Variants in RPN2 observed in about 807,000 individuals in gnomAD.
The protein encoded by RPN2 is dolichyl-diphosphooligosaccharide--protein glycosyltransferase subunit 2.
Under a neutral mutation model 71.4 loss-of-function variants are expected in RPN2, and 29 were observed. The observed-to-expected ratio is 0.41, with a 90% CI of 0.30 to 0.55. The LOEUF (loss-of-function observed/expected upper bound fraction) is 0.55, where lower values mean the gene tolerates loss of function less well. Among genes scored for constraint, RPN2 ranks in the 20% least tolerant of loss-of-function variants. RPN2 has a pLI of 0.35. For synonymous variants in RPN2, 308 were observed against 305.0 expected (o/e 1.01, Z -0.10); for missense variants, 726 against 774.1 (o/e 0.94, Z 0.74).
intron 3 of RPN2, 117 bp from the exon 4 acceptor site, chr20:37,198,933 T>G: frequency 2.4e-6 from 2 of 833,242 alleles, no homozygotes; most frequent in Non-Finnish European, 4.1e-6. Context: ...TAGAGGGGGA[T>G]GAGCATGTGC....
chr20:37,187,669 T>A (rs559982538), intron 2 of RPN2, among the ~76,000 whole-genome samples: 1 of 152,220 alleles, frequency 6.6e-6, no homozygotes, highest in Admixed American at 6.6e-5. Flanking sequence ...AGACAGGGTC[T>A]CACTCTTGTC....
At position 37,236,717 on chromosome 20, in the gene RPN2, C is replaced by T; in HGVS notation, c.1883+8C>T. 3 of 1,613,858 alleles carry T rather than the reference C, an allele frequency of 1.9e-6. 1 individual carries two copies. In the South Asian group the frequency reaches 3.3e-5, roughly 18 times the overall value. ...CCAGCAGGCAGTCAAGAGGTAAGGC[C>T]AGACATGAGCCAGGGATCTAGAGTA... On this transcript the variant is annotated splice_region_variant and intron_variant, in intron 16 of 16. Coordinates refer to ENST00000237530, the MANE Select transcript of RPN2 (RefSeq NM_002951.5).
intron 4 of RPN2, among the ~76,000 whole-genome samples, chr20:37,201,281 C>CTTTTTTTT (rs373838278): frequency 9.5e-6 from 1 of 105,126 alleles, no homozygotes; most frequent in Non-Finnish European, 1.8e-5. Context: ...AGGTCATAAG[C>CTTTTTTTT]TTTTTTTTTT....
intron 10 of RPN2, 51 bp downstream of exon 10, chr20:37,224,020 G>A: frequency 6.7e-7 from 1 of 1,489,246 alleles, no homozygotes; most frequent in East Asian, 2.3e-5. Flanking sequence ...CAAGAGCTGA[G>A]AGGAGTATGC....
intron 15 of RPN2, among the ~76,000 whole-genome samples, chr20:37,235,297 C>G (rs1026249774): frequency 7.2e-5 from 11 of 152,174 alleles, no homozygotes; most frequent in Admixed American, 7.2e-4. Flanking sequence ...AGAAGAAAAC[C>G]TGAATATAAA....
At chr20:37,184,478 A>T (rs1350314900) in intron 2 of RPN2, 105 bp downstream of exon 2, 1 of 1,021,430 alleles carries the variant, frequency 9.8e-7, no homozygotes, top group African/African-American at 1.6e-5. Flanking sequence ...TCATTTGAGG[A>T]TAACCAAGGT....
chr20:37,198,362 T>C, intron 2 of RPN2, 35 bp from the exon 3 acceptor site: 1 of 1,614,178 alleles, frequency 6.2e-7, no homozygotes, highest in Non-Finnish European at 8.5e-7. Flanking sequence ...ACTACATGTG[T>C]CACCACTTAA....
chr20:37,185,823 T>C (rs575314097), intron 2 of RPN2, among the ~76,000 whole-genome samples: 45 of 152,338 alleles, frequency 3.0e-4, no homozygotes, highest in South Asian at 4.1e-4. Context: ...GTCAGAAGTC[T>C]AGACAGGCTT....
intron 13 of RPN2, 59 bp from the exon 14 acceptor site, chr20:37,232,237 A>G (rs560738103): frequency 3.8e-5 from 61 of 1,596,910 alleles, no homozygotes; most frequent in Non-Finnish European, 5.0e-5. Flanking sequence ...CCCGGTATAC[A>G]TGGCTGCCCC....
At position 37,227,149 on chromosome 20, in the gene RPN2, C is replaced by A. The variant is rs117892812; in HGVS notation, c.1299+1347C>A. On this transcript the variant is annotated intron_variant, in intron 11 of 16. Transcript: ENST00000237530. ...AAACTCCAGACAGCTTGGTTAGGGC[C>A]CTTAGCCAAGCCTAACTGACCTTTG... is the stretch of plus-strand genomic sequence containing the variant. Among the ~76,000 whole-genome samples, 303 of 152,364 alleles carry A rather than the reference C, an allele frequency of 2.0e-3. 1 individual carries two copies. Among genetic ancestry groups the A allele is most frequent in the Non-Finnish European group, 3.6e-3 (246 of 68,034 alleles).
intron 2 of RPN2, among the ~76,000 whole-genome samples, chr20:37,190,227 C>T (rs992109994): frequency 1.3e-5 from 2 of 152,146 alleles, no homozygotes; most frequent in Non-Finnish European, 2.9e-5. Context: ...TGAACACATA[C>T]CCCCAAAGCT....
At chr20:37,188,196 G>A (rs2067055496) in intron 2 of RPN2, among the ~76,000 whole-genome samples, 2 of 151,916 alleles carry the variant, frequency 1.3e-5, no homozygotes, top group Non-Finnish European at 2.9e-5. Flanking sequence ...TTGAGATGAA[G>A]GCTTACTCTG....
At chr20:37,179,607 G>T (rs2066794727) in intron 1 of RPN2, 5 of 1,064,824 alleles carry the variant, frequency 4.7e-6, no homozygotes, top group Non-Finnish European at 6.3e-6. Context: ...GCTACGGGTC[G>T]CCCCGAGGCT....
rs1273040447 is a variant in RPN2, at chr20:37,204,857, T to C, written c.646T>C (p.Tyr216His). Residue 216 changes from tyrosine (Y) to histidine (H), a missense_variant, in exon 6 of 17, where the codon TAC (tyrosine) becomes CAC (histidine). Physicochemically the swap from Tyr to His is moderately conservative, Grantham distance 83. Coordinates refer to ENST00000237530, the MANE Select transcript of RPN2 (RefSeq NM_002951.5). ...ETTALFVAATYKLMDHVGTEP... is the reference protein window; with the variant it reads ...ETTALFVAATHKLMDHVGTEP... ...AACAGCGTTATTTGTGGCTGCCACCTACAAGCTCATGGATCATGTGGGGAC... is the reference window on the plus strand; with the variant it reads ...AACAGCGTTATTTGTGGCTGCCACCCACAAGCTCATGGATCATGTGGGGAC... 1.9e-5 allele frequency: 31 copies of C among 1,614,086 alleles called. No individual in the cohort carries two copies. In the Admixed American group the frequency reaches 5.2e-4, roughly 27 times the overall value.
At position 37,236,691 on chromosome 20, in the gene RPN2, C is replaced by A; in HGVS notation, c.1865C>A (p.Ala622Asp). 1 of 1,614,090 alleles carries A rather than the reference C, an allele frequency of 6.2e-7. No individual in the cohort carries two copies. Among genetic ancestry groups the A allele is most frequent in the Non-Finnish European group, 8.5e-7 (1 of 1,179,936 alleles). The change falls in exon 16 of 17, where the codon GCC (alanine) becomes GAC (aspartate). Residue 622 changes from alanine to aspartate, a missense_variant. By Grantham distance (126) the Ala-to-Asp change is moderately radical. Transcript: ENST00000237530. ...VTFLAGNRML[A>D]QQAVKRTAH ...TTTCTGGCTGGCAATCGGATGCTGG[C>A]CCAGCAGGCAGTCAAGAGGTAAGGC...
At chr20:37,219,090 AAACT>A (rs1277797555) in intron 9 of RPN2, among the ~76,000 whole-genome samples, 9 of 152,212 alleles carry the variant, frequency 5.9e-5, no homozygotes, top group Admixed American at 5.9e-4. Flanking sequence ...ACTTTTCAAG[AAACT>A]AACAAGTTTT....
intron 4 of RPN2, 98 bp from the exon 5 acceptor site, chr20:37,203,787 C>T: frequency 1.2e-6 from 1 of 854,896 alleles, no homozygotes; most frequent in African/African-American, 1.7e-5. Context: ...TTCTAAAGAA[C>T]AAGAGTAGGA....
chr20:37,238,879 C>T (rs1004933713), intron 16 of RPN2: 63 of 517,238 alleles, frequency 1.2e-4, no homozygotes, highest in Admixed American at 8.5e-4. Flanking sequence ...TCTGTAACAC[C>T]GATCTCTAGT....
At chr20:37,184,432 T>C in intron 2 of RPN2, 59 bp downstream of exon 2, 1 of 1,363,002 alleles carries the variant, frequency 7.3e-7, no homozygotes, top group Non-Finnish European at 1.0e-6. Context: ...ATCCCCTCAC[T>C]ATATTCCTTT....
Sources: allele counts gnomAD v4.1 joint callset (sites outside exome capture counted in the v4.1 genomes callset), GRCh38; gene constraint gnomAD v4.1.1; transcripts MANE v1.5; gene names NCBI Gene and HGNC (gene_info 2026-07-23, HGNC 2026-07-21).